Variants in RPS6KB1 observed in about 807,000 individuals in gnomAD.
RPS6KB1 encodes the protein ribosomal protein S6 kinase B1, also known as ribosomal protein S6 kinase beta-1.
RPS6KB1 carries 12 observed loss-of-function variants against 70.2 expected under a neutral mutation model. That is an observed-to-expected ratio of 0.17 (90% CI 0.11 to 0.28). The LOEUF is 0.28. Among genes scored for constraint, RPS6KB1 ranks in the 10% least tolerant of loss-of-function variants. RPS6KB1 has a pLI of 1.00. For synonymous variants in RPS6KB1, 175 were observed against 211.2 expected, an observed-to-expected ratio of 0.83 and a Z score of 1.49; for missense variants, 270 against 646.6, an observed-to-expected ratio of 0.42 and a Z score of 6.32.
intron 4 of RPS6KB1, among the ~76,000 whole-genome samples, chr17:59,918,826 A>C (rs1208719039): frequency 7.9e-6 from 1 of 126,770 alleles, no homozygotes; most frequent in African/African-American, 2.9e-5. Flanking sequence ...TTCACTGATT[A>C]TTCTTTTTTT....
Position 59,893,251 on chromosome 17 carries a change from G to A in RPS6KB1, c.67G>A (p.Asp23Asn), listed in dbSNP as rs1443518745. 1.9e-6 allele frequency: 3 copies of A among 1,612,742 alleles called. No individual in the cohort carries two copies. Among genetic ancestry groups the A allele is most frequent in the Admixed American group, 1.7e-5 (1 of 59,796 alleles). The change falls in exon 1 of 15, where the codon GAC (aspartate) becomes AAC (asparagine). Residue 23 changes from aspartate (D) to asparagine (N), a missense_variant. Physicochemically the swap from Asp to Asn is conservative, Grantham distance 23 (BLOSUM62 1). Around this residue, in one of 4 missense-constraint regions of RPS6KB1, gnomAD observed 72 missense variants for 93.4 expected, o/e 0.77. Transcript: ENST00000225577. This position sits in a 1 kb window ranked among gnomAD's most constrained non-coding sequence, Gnocchi z 4.1. ...APDFRDREAE[D>N]MAGVFDIDLD... ...GGACTTCCGAGACAGGGAAGCTGAG[G>A]ACATGGCAGGAGTGTTTGACATAGA...
chr17:59,910,075 T>A (rs994180933), intron 1 of RPS6KB1, among the ~76,000 whole-genome samples: 2 of 151,226 alleles, frequency 1.3e-5, no homozygotes, highest in Non-Finnish European at 2.9e-5. Context: ...TACTCCCAGC[T>A]ACTCAGGAGG....
intron 7 of RPS6KB1, among the ~76,000 whole-genome samples, chr17:59,932,811 C>T (rs1421010474): frequency 1.3e-5 from 2 of 152,118 alleles, no homozygotes; most frequent in Non-Finnish European, 2.9e-5. Context: ...CCTTGGCCTC[C>T]CAAATTGCTG....
At chr17:59,924,739 A>G (rs568401775) in intron 4 of RPS6KB1, among the ~76,000 whole-genome samples, 2 of 151,934 alleles carry the variant, frequency 1.3e-5, no homozygotes, top group African/African-American at 4.8e-5. Context: ...AAAAGATAGC[A>G]TAGTATCCAT....
chr17:59,904,934 ATCTG>A (rs1201997033), intron 1 of RPS6KB1, among the ~76,000 whole-genome samples: 4 of 150,472 alleles, frequency 2.7e-5, no homozygotes, highest in Non-Finnish European at 5.9e-5. Flanking sequence ...TGACCTTGTG[ATCTG>A]TCTGTCTCAG....
In RPS6KB1 at chr17:59,893,358, A is replaced by T; in HGVS notation, c.141+33A>T. On this transcript the variant is annotated intron_variant, in intron 1 of 14. Coordinates refer to ENST00000225577, the MANE Select transcript of RPS6KB1 (RefSeq NM_003161.4). This position sits in a 1 kb window ranked among gnomAD's most constrained non-coding sequence, Gnocchi z 4.1. ...CCGGGGTCCCCGGGGGCCCGAGGTG[A>T]CAGGGCCGGGGCGGCGGCGCGGGCT... 6.3e-7 allele frequency: 1 copy of T among 1,574,968 alleles called. No homozygotes were observed. The highest frequency in any genetic ancestry group is 8.6e-7 in the Non-Finnish European group (1 of 1,159,978).
chr17:59,931,381 T>C (rs747961022), intron 6 of RPS6KB1: 2 of 439,740 alleles, frequency 4.5e-6, no homozygotes, highest in Non-Finnish European at 8.2e-6. Context: ...TTTGCAATTT[T>C]AGCAATATAT....
intron 1 of RPS6KB1, among the ~76,000 whole-genome samples, chr17:59,897,834 G>A (rs1210952933): frequency 6.6e-6 from 1 of 152,028 alleles, no homozygotes; most frequent in Non-Finnish European, 1.5e-5. Context: ...GCATGGTGGT[G>A]CACACCTCTA....
At chr17:59,905,907 C>A (rs1191375672) in intron 1 of RPS6KB1, among the ~76,000 whole-genome samples, 1 of 152,036 alleles carries the variant, frequency 6.6e-6, no homozygotes, top group Non-Finnish European at 1.5e-5. Context: ...CATCCTGCCT[C>A]AGCCTCCTCG....
chr17:59,935,986 A>G (rs2044209058), intron 10 of RPS6KB1, among the ~76,000 whole-genome samples: 1 of 150,718 alleles, frequency 6.6e-6, no homozygotes, highest in Non-Finnish European at 1.5e-5. Context: ...TAATTTTTGT[A>G]TTTTTAGTAG....
At chr17:59,928,343 C>G (rs970402850) in intron 5 of RPS6KB1, among the ~76,000 whole-genome samples, 31 of 151,718 alleles carry the variant, frequency 2.0e-4, no homozygotes, top group African/African-American at 7.5e-4. Context: ...ACATGATTTC[C>G]CTTTACCCCT....
chr17:59,913,539 A>G (rs2042769213), intron 3 of RPS6KB1, among the ~76,000 whole-genome samples: 1 of 152,126 alleles, frequency 6.6e-6, no homozygotes, highest in African/African-American at 2.4e-5. Flanking sequence ...GTTGCATGAA[A>G]ATGTTTATAG....
chr17:59,937,728 TCTGC>T (rs2044322274), intron 12 of RPS6KB1, among the ~76,000 whole-genome samples: 1 of 152,178 alleles, frequency 6.6e-6, no homozygotes, highest in Admixed American at 6.5e-5. Flanking sequence ...ACTAATTACA[TCTGC>T]AATAACCCTT....
At chr17:59,904,447 G>A (rs1427076022) in intron 1 of RPS6KB1, among the ~76,000 whole-genome samples, 3 of 151,746 alleles carry the variant, frequency 2.0e-5, no homozygotes, top group Non-Finnish European at 4.4e-5. Context: ...AGGCTGGAGT[G>A]CAGTGGCGCC....
intron 11 of RPS6KB1, 60 bp from the exon 12 acceptor site, chr17:59,936,404 A>G (rs1026264155): frequency 1.3e-6 from 2 of 1,554,604 alleles, no homozygotes; most frequent in Non-Finnish European, 1.8e-6. Context: ...AAGGTGATTA[A>G]TTTATCAATC....
rs1226596185 is a variant in RPS6KB1 at position 59,947,968 on chromosome 17, A to C, written c.*1180A>C. 4.8e-6 allele frequency: 1 copy of C among 207,032 alleles called. No homozygotes were observed. Among genetic ancestry groups the C allele is most frequent in the East Asian group, 1.0e-4 (1 of 9,738 alleles). The allele number at this position is 207,032 out of a possible 1,614,324, so 12.8% of individuals were successfully genotyped here. ...CCTCAACAGTTTTAAAAAGAAAAAA[A>C]GGTCTATTTTTTTTTCTCCTATACT... On this transcript the variant is annotated 3_prime_UTR_variant, in exon 15 of 15. Transcript: ENST00000225577.
chr17:59,904,417 C>T (rs1278139539), intron 1 of RPS6KB1, among the ~76,000 whole-genome samples: 8 of 146,390 alleles, frequency 5.5e-5, no homozygotes, highest in Middle Eastern at 4.1e-3. Flanking sequence ...TTTTTTGAGA[C>T]GGAGCTGCCT....
chr17:59,934,228 C>G lies in RPS6KB1; in HGVS notation c.747C>G (p.Val249=). 6.2e-7 allele frequency: 1 copy of G among 1,611,050 alleles called. No homozygotes were observed. The highest frequency in any genetic ancestry group is 1.3e-5 in the African/African-American group (1 of 74,982). The change falls in exon 8 of 15, where the codon GTC becomes GTG. Residue 249 remains valine, a synonymous_variant. Coordinates refer to ENST00000225577, the MANE Select transcript of RPS6KB1 (RefSeq NM_003161.4). This position sits in a 1 kb window ranked among gnomAD's most constrained non-coding sequence, Gnocchi z 4.8. ...LCKESIHDGT[V]THTFCGTIEY... is the part of the protein sequence containing the mutation. ...AAGAATCTATTCATGATGGAACAGT[C>G]ACACACACATTTTGTGGAACAATAG...
chr17:59,907,737 T>G (rs2042355937), intron 1 of RPS6KB1, among the ~76,000 whole-genome samples: 1 of 152,106 alleles, frequency 6.6e-6, no homozygotes, highest in Non-Finnish European at 1.5e-5. Context: ...AGGCAGGATC[T>G]TACTGTGTTG....
Sources: gnomAD v4.1 joint callset for allele counts (sites outside exome capture counted in the v4.1 genomes callset) on GRCh38, gnomAD v4.1.1 for gene constraint, gnomAD v4.1.1 regional missense constraint, Gnocchi (gnomAD v3.1) non-coding constraint, MANE v1.5 for transcripts, NCBI Gene and HGNC (gene_info 2026-07-23, HGNC 2026-07-21) for gene names.